The following CSMD3 variants were observed in gnomAD, a reference collection of about 807,000 sequenced individuals.
CSMD3 encodes CUB and Sushi multiple domains 3, also known as CUB and sushi domain-containing protein 3.
Under a neutral mutation model 435.2 loss-of-function variants are expected in CSMD3, and 177 were observed. The ratio of observed to expected loss-of-function variants is 0.41; its 90% CI spans 0.36 to 0.46. CSMD3 has a LOEUF of 0.46. Ranked by LOEUF, CSMD3 falls within the 20% of genes least tolerant of loss-of-function variation. CSMD3 has a pLI of 0.34. For missense variants in CSMD3, 4,265 were observed against 4,504.6 expected (o/e 0.95, Z 1.52); for synonymous variants, 1,656 against 1,520.5 (o/e 1.09, Z -2.07).
At chr8:113,245,437 T>C (rs886504865) in intron 3 of CSMD3, among the ~76,000 whole-genome samples, 2 of 151,980 alleles carry the variant, frequency 1.3e-5, no homozygotes, top group African/African-American at 2.4e-5. Context: ...CTCTTAGAGC[T>C]TATCCTGTAG....
chr8:113,115,922 GT>G (rs1443149990), intron 4 of CSMD3, among the ~76,000 whole-genome samples: 3 of 152,082 alleles, frequency 2.0e-5, no homozygotes, highest in African/African-American at 7.2e-5. Flanking sequence ...GAAAATATAG[GT>G]CCAAAGGTGC....
chr8:112,611,644 T>C (rs1833271055), intron 22 of CSMD3, among the ~76,000 whole-genome samples: 1 of 152,184 alleles, frequency 6.6e-6, no homozygotes, highest in African/African-American at 2.4e-5. Flanking sequence ...TCATTCAAAC[T>C]AGATCTGACT....
intron 1 of CSMD3, among the ~76,000 whole-genome samples, chr8:113,318,973 C>T (rs551170915): frequency 6.6e-6 from 1 of 151,878 alleles, no homozygotes. Context: ...GTTGTTTCCA[C>T]ATTTTGACTA....
intron 1 of CSMD3, among the ~76,000 whole-genome samples, chr8:113,387,250 A>G (rs2094443185): frequency 1.3e-5 from 2 of 151,806 alleles, no homozygotes; most frequent in South Asian, 2.1e-4. Context: ...TTACATCACA[A>G]TAAGTGACCT....
chr8:112,956,382 CAT>C (rs1224548828), intron 7 of CSMD3, among the ~76,000 whole-genome samples: 3 of 152,176 alleles, frequency 2.0e-5, no homozygotes, highest in Non-Finnish European at 2.9e-5. Context: ...AGTTTTGTCA[CAT>C]GTGAATTTTC....
In CSMD3 at chr8:112,521,255, A is replaced by G. The variant is rs190560364; in HGVS notation, c.4565-4030T>C. ...CTTTAATAGAAAATCTATTAAATAT[A>G]TCTCCTGAGAGAAGTTTCTATACAA... is the stretch of plus-strand genomic sequence containing the variant. On this transcript the variant is annotated intron_variant, in intron 27 of 70. Coordinates refer to ENST00000297405, the MANE Select transcript of CSMD3 (RefSeq NM_198123.2). Among the ~76,000 whole-genome samples, 54 of 152,084 alleles carry G rather than the reference A, an allele frequency of 3.6e-4. 1 individual carries two copies. Among genetic ancestry groups the G allele is most frequent in the African/African-American group, 1.3e-3 (52 of 41,558 alleles).
intron 5 of CSMD3, among the ~76,000 whole-genome samples, chr8:113,064,937 C>A (rs946763767): frequency 1.3e-5 from 2 of 151,938 alleles, no homozygotes; most frequent in Non-Finnish European, 2.9e-5. Context: ...AGATTAGCAC[C>A]AAGATAAATT....
chr8:112,934,560 T>C (rs748394704), intron 9 of CSMD3, among the ~76,000 whole-genome samples: 21 of 152,106 alleles, frequency 1.4e-4, no homozygotes, highest in Non-Finnish European at 2.8e-4. Context: ...AAAGCAAATA[T>C]CATACCATTT....
chr8:112,554,964 A>G (rs1827988837), intron 25 of CSMD3, among the ~76,000 whole-genome samples: 1 of 152,010 alleles, frequency 6.6e-6, no homozygotes, highest in Non-Finnish European at 1.5e-5. Flanking sequence ...TGTTAAAGCT[A>G]TTAATCATTG....
At chr8:112,990,788 G>T (rs941588022) in intron 6 of CSMD3, among the ~76,000 whole-genome samples, 2 of 151,802 alleles carry the variant, frequency 1.3e-5, no homozygotes, top group Non-Finnish European at 2.9e-5. Flanking sequence ...CACAAGCCAT[G>T]AGAACCCATA....
At chr8:113,144,489 G>A (rs529426911) in intron 4 of CSMD3, among the ~76,000 whole-genome samples, 7 of 151,554 alleles carry the variant, frequency 4.6e-5, no homozygotes, top group East Asian at 2.0e-4. Context: ...AATAATTCTC[G>A]AAATATCCTG....
chr8:113,043,228 C>T (rs1270658215), intron 5 of CSMD3, among the ~76,000 whole-genome samples: 1 of 152,154 alleles, frequency 6.6e-6, no homozygotes. Context: ...ATGTCTTAAT[C>T]ATCACTTCTC....
chr8:113,223,923 A>G (rs78782519), intron 3 of CSMD3, among the ~76,000 whole-genome samples: 4,995 of 151,264 alleles, frequency 0.033, 105 homozygotes, highest in Middle Eastern at 0.061. Context: ...GGAAAAAAAG[A>G]AACTTAAGAA....
intron 12 of CSMD3, among the ~76,000 whole-genome samples, chr8:112,827,164 AATATATATATATAT>A (rs3047126): frequency 0.021 from 1,721 of 82,876 alleles, 112 homozygotes; most frequent in African/African-American, 0.062. Flanking sequence ...GGTTACCATA[AATATATATATATAT>A]ATATATATAT....
intron 3 of CSMD3, among the ~76,000 whole-genome samples, chr8:113,233,273 A>C (rs541124250): frequency 6.6e-6 from 1 of 151,380 alleles, no homozygotes; most frequent in East Asian, 1.9e-4. Context: ...TATATCTCTG[A>C]TTATTTCTAA....
chr8:112,969,224 T>G (rs980829072), intron 7 of CSMD3, among the ~76,000 whole-genome samples: 3 of 151,986 alleles, frequency 2.0e-5, no homozygotes, highest in African/African-American at 7.2e-5. Flanking sequence ...TGTTGAGCCT[T>G]ATAAATATTC....
intron 4 of CSMD3, among the ~76,000 whole-genome samples, chr8:113,111,983 G>A (rs1209159433): frequency 6.6e-6 from 1 of 151,810 alleles, no homozygotes; most frequent in East Asian, 1.9e-4. Context: ...GCCTGGCTGT[G>A]TTGCTCTTTT....
At chr8:112,345,255 T>C (rs1177388081) in intron 41 of CSMD3, among the ~76,000 whole-genome samples, 4 of 152,140 alleles carry the variant, frequency 2.6e-5, no homozygotes, top group Non-Finnish European at 5.9e-5. Flanking sequence ...TGCAAAAGAA[T>C]TGAAGTCAGA....
chr8:112,491,387 G>C (rs1274511828), intron 31 of CSMD3, among the ~76,000 whole-genome samples: 1 of 152,102 alleles, frequency 6.6e-6, no homozygotes, highest in African/African-American at 2.4e-5. Flanking sequence ...GGGTGCAGTG[G>C]CTCACTCCTG....
Sources: allele counts gnomAD v4.1 joint callset (sites outside exome capture counted in the v4.1 genomes callset), GRCh38; gene constraint gnomAD v4.1.1; transcripts MANE v1.5; gene names NCBI Gene and HGNC (gene_info 2026-07-23, HGNC 2026-07-21).